Variants in TAFA1 observed in about 807,000 individuals in gnomAD.
TAFA1 encodes the protein TAFA chemokine like family member 1.
Under a neutral mutation model 18.5 loss-of-function variants are expected in TAFA1, and 4 were observed. The observed-to-expected ratio is 0.22, with a 90% CI of 0.11 to 0.49. The LOEUF is 0.49. Among genes scored for constraint, TAFA1 ranks in the 20% least tolerant of loss-of-function variants. The pLI is 0.98. For missense variants in TAFA1, 147 were observed against 169.0 expected (o/e 0.87, Z 0.72); for synonymous variants, 56 against 55.2 (o/e 1.01, Z -0.06).
intron 2 of TAFA1, among the ~76,000 whole-genome samples, chr3:68,191,596 T>C (rs1310751330): frequency 6.6e-6 from 1 of 151,830 alleles, no homozygotes; most frequent in African/African-American, 2.4e-5. Context: ...ATAGGTCAAA[T>C]TGGACTGTGT....
At chr3:68,479,243 T>A (rs9823949) in intron 3 of TAFA1, among the ~76,000 whole-genome samples, 19,149 of 66,652 alleles carry the variant, frequency 0.29, 1,454 homozygotes, top group African/African-American at 0.31. Context: ...AAAAAAAAAA[T>A]ATATATATAT....
At chr3:68,433,757 A>G (rs1340776362) in intron 3 of TAFA1, among the ~76,000 whole-genome samples, 2 of 152,130 alleles carry the variant, frequency 1.3e-5, no homozygotes, top group Non-Finnish European at 2.9e-5. Flanking sequence ...TAACTTCACA[A>G]TGTAATTTGA....
chr3:68,211,327 C>A (rs577061491), intron 2 of TAFA1, among the ~76,000 whole-genome samples: 1 of 152,106 alleles, frequency 6.6e-6, no homozygotes, highest in Admixed American at 6.5e-5. Context: ...ATTCTATATG[C>A]TATTCTCAAC....
At chr3:68,492,971 C>T (rs915256965) in intron 3 of TAFA1, among the ~76,000 whole-genome samples, 1 of 152,064 alleles carries the variant, frequency 6.6e-6, no homozygotes, top group African/African-American at 2.4e-5. Context: ...CCAGAAAATT[C>T]TTTTTTCTTA....
chr3:68,180,199 AT>A (rs11308331), intron 2 of TAFA1, among the ~76,000 whole-genome samples: 136,733 of 146,734 alleles, frequency 0.93, 63,779 homozygotes, highest in South Asian at 0.96. Flanking sequence ...CACCTGGCTA[AT>A]TTTTTTTTTT....
intron 2 of TAFA1, among the ~76,000 whole-genome samples, chr3:68,404,381 G>C (rs1257954957): frequency 2.0e-5 from 3 of 152,180 alleles, no homozygotes; most frequent in African/African-American, 7.2e-5. Flanking sequence ...CACTAATTTA[G>C]TGTCTGTATA....
intron 2 of TAFA1, among the ~76,000 whole-genome samples, chr3:68,056,810 A>T (rs2064542355): frequency 6.6e-6 from 1 of 152,170 alleles, no homozygotes; most frequent in Admixed American, 6.6e-5. Flanking sequence ...GTTCCAAGAA[A>T]AAAAGCAAAT....
chr3:68,512,121 T>C (rs1056724801), intron 3 of TAFA1, among the ~76,000 whole-genome samples: 2 of 152,136 alleles, frequency 1.3e-5, no homozygotes, highest in African/African-American at 4.8e-5. Context: ...ACTCCAGTGA[T>C]AAAGTTCTTA....
chr3:68,389,863 C>A (rs1483692125), intron 2 of TAFA1, among the ~76,000 whole-genome samples: 2 of 152,144 alleles, frequency 1.3e-5, no homozygotes, highest in Non-Finnish European at 2.9e-5. Context: ...GTCTTTGCAA[C>A]CCACAGACCA....
intron 2 of TAFA1, among the ~76,000 whole-genome samples, chr3:68,303,659 C>T (rs145945935): frequency 0.019 from 2,947 of 152,038 alleles, 77 homozygotes; most frequent in African/African-American, 0.06. Flanking sequence ...CTGTGTTAGC[C>T]GGGATGGTCT....
chr3:68,139,390 G>A (rs1043681654), intron 2 of TAFA1, among the ~76,000 whole-genome samples: 1 of 152,098 alleles, frequency 6.6e-6, no homozygotes, highest in Non-Finnish European at 1.5e-5. Context: ...ATAATGTACT[G>A]TAAGCATTGC....
At chr3:68,339,037 C>G (rs541255890) in intron 2 of TAFA1, among the ~76,000 whole-genome samples, 1 of 152,310 alleles carries the variant, frequency 6.6e-6, no homozygotes, top group Non-Finnish European at 1.5e-5. Context: ...TGGACTAGAA[C>G]AGGCATACTG....
chr3:68,084,796 T>TAA (rs764180966), intron 2 of TAFA1, among the ~76,000 whole-genome samples: 15 of 122,384 alleles, frequency 1.2e-4, no homozygotes, highest in East Asian at 2.3e-4. Context: ...AGACTCCGTC[T>TAA]AAAAAAAAAA....
chr3:68,394,544 C>T (rs780036965), intron 2 of TAFA1, among the ~76,000 whole-genome samples: 7 of 152,184 alleles, frequency 4.6e-5, no homozygotes, highest in Non-Finnish European at 7.3e-5. Flanking sequence ...TGCTACCTGA[C>T]TTCAAACCAT....
At chr3:68,290,089 C>T (rs190543064) in intron 2 of TAFA1, among the ~76,000 whole-genome samples, 1 of 152,272 alleles carries the variant, frequency 6.6e-6, no homozygotes, top group Admixed American at 6.5e-5. Context: ...ATTCCCTGGT[C>T]AAATAATTTG....
intron 2 of TAFA1, among the ~76,000 whole-genome samples, chr3:68,110,745 A>G (rs2065253460): frequency 6.6e-6 from 1 of 152,194 alleles, no homozygotes; most frequent in Non-Finnish European, 1.5e-5. Context: ...AGAAAGAGAT[A>G]AACTATGGCT....
At chr3:68,387,332 A>T (rs1189333058) in intron 2 of TAFA1, among the ~76,000 whole-genome samples, 1 of 152,160 alleles carries the variant, frequency 6.6e-6, no homozygotes, top group Admixed American at 6.6e-5. Flanking sequence ...TAAGACACTA[A>T]GGAAGAGATT....
intron 2 of TAFA1, among the ~76,000 whole-genome samples, chr3:68,289,122 C>G (rs9828710): frequency 0.022 from 3,347 of 152,198 alleles, 121 homozygotes; most frequent in African/African-American, 0.076. Context: ...TTTTAAGGTG[C>G]CTGTTCATGT....
At chr3:68,533,012 G>T (rs2073212774) in intron 3 of TAFA1, among the ~76,000 whole-genome samples, 1 of 151,496 alleles carries the variant, frequency 6.6e-6, no homozygotes, top group Non-Finnish European at 1.5e-5. Flanking sequence ...ACTGTGGCCT[G>T]CACTTTTTCC....
Sources: allele counts gnomAD v4.1 joint callset (sites outside exome capture counted in the v4.1 genomes callset), GRCh38; gene constraint gnomAD v4.1.1; transcripts MANE v1.5; gene names NCBI Gene and HGNC (gene_info 2026-07-23, HGNC 2026-07-21).